Variants in TRDN observed in about 807,000 individuals in gnomAD.
TRDN encodes triadin in skeletal muscle.
TRDN carries 161 observed loss-of-function variants against 149.7 expected under a neutral mutation model. That is an observed-to-expected ratio of 1.08 (90% CI 0.95 to 1.23). The LOEUF is 1.23. TRDN is among the 50% of genes most tolerant of loss of function. The pLI is 0.00. For missense variants in TRDN, 896 were observed against 823.5 expected, an observed-to-expected ratio of 1.09 and a Z score of -1.08; for synonymous variants, 294 against 250.5, an observed-to-expected ratio of 1.17 and a Z score of -1.64.
intron 1 of TRDN, among the ~76,000 whole-genome samples, chr6:123,605,292 AAC>A (rs1354995280): frequency 4.0e-5 from 6 of 148,492 alleles, no homozygotes; most frequent in East Asian, 3.9e-4. Flanking sequence ...AATACATATA[AAC>A]ACACACATAT....
chr6:123,542,906 G>A (rs1378665633), intron 4 of TRDN, among the ~76,000 whole-genome samples: 3 of 150,836 alleles, frequency 2.0e-5, no homozygotes, highest in East Asian at 1.9e-4. Context: ...CTGTCACTGC[G>A]TCTGGCCCTG....
chr6:123,523,532 C>T (rs554055949), intron 5 of TRDN, among the ~76,000 whole-genome samples: 2 of 152,004 alleles, frequency 1.3e-5, no homozygotes, highest in Non-Finnish European at 2.9e-5. Context: ...GATTTAAGCC[C>T]GTAAGTGACT....
chr6:123,539,776 A>G (rs1780734533), intron 4 of TRDN, among the ~76,000 whole-genome samples: 1 of 152,220 alleles, frequency 6.6e-6, no homozygotes, highest in Non-Finnish European at 1.5e-5. Flanking sequence ...CATTGTGTGT[A>G]AACAAATTAT....
chr6:123,286,578 A>G (rs1777812646), intron 24 of TRDN, among the ~76,000 whole-genome samples: 1 of 152,062 alleles, frequency 6.6e-6, no homozygotes, highest in African/African-American at 2.4e-5. Context: ...GGTTCAGTGT[A>G]TACTGCTCGG....
Position 123,252,492 on chromosome 6 carries a change from TA to T in TRDN, c.1952-58del, listed in dbSNP as rs201528433. The stretch of plus-strand genomic sequence containing the variant: ...ACTGAGATAAAATGCAAGGAAATTA[TA>T]AATCAGTGGACTTTATAAAAATATC... On this transcript the variant is annotated intron_variant, in intron 37 of 40. Transcript: ENST00000334268. The T allele has an allele frequency of 0.01, 9,442 of 931,882 alleles. 342 individuals carry two copies. The highest frequency in any genetic ancestry group is 0.069 in the South Asian group (3,828 of 55,382). 57.7% of individuals were successfully genotyped at this position (931,882 alleles called of 1,614,324 possible).
In TRDN at chr6:123,260,644, G is replaced by C. The variant is rs201544606; in HGVS notation, c.1805-6C>G. 1.3e-5 allele frequency: 14 copies of C among 1,062,492 alleles called. No individual in the cohort carries two copies. The highest frequency in any genetic ancestry group is 3.5e-5 in the East Asian group (1 of 28,516). 65.8% of individuals were successfully genotyped at this position (1,062,492 alleles called of 1,614,324 possible). A position where few individuals can be genotyped will look rare whatever the true frequency, so the allele number is the denominator to read the frequency against. On this transcript the variant is annotated splice_region_variant and splice_polypyrimidine_tract_variant and intron_variant, in intron 33 of 40. Coordinates refer to ENST00000334268, the MANE Select transcript of TRDN (RefSeq NM_006073.4). ...TGTGACTTCTGATGTTCCTTCTTTA[G>C]AAAAAAAAAAAAAAAGAATGTAGAA...
chr6:123,514,688 G>A (rs540936972), intron 6 of TRDN, among the ~76,000 whole-genome samples: 6 of 151,754 alleles, frequency 4.0e-5, no homozygotes, highest in Non-Finnish European at 7.4e-5. Context: ...AATGGGCAGT[G>A]AGTGTGAACA....
At chr6:123,305,612 C>T (rs62418736) in intron 24 of TRDN, among the ~76,000 whole-genome samples, 27,216 of 152,096 alleles carry the variant, frequency 0.18, 3,263 homozygotes, top group Non-Finnish European at 0.27. Flanking sequence ...AAACTACAAA[C>T]TAGGACAAAA....
chr6:123,518,320 A>G (rs568354769), intron 5 of TRDN, among the ~76,000 whole-genome samples: 3 of 152,182 alleles, frequency 2.0e-5, no homozygotes, highest in Admixed American at 6.5e-5. Context: ...CTGACCACAA[A>G]TGGTTTATTT....
chr6:123,223,409 A>G (rs578188987), intron 39 of TRDN, among the ~76,000 whole-genome samples: 5 of 151,872 alleles, frequency 3.3e-5, no homozygotes, highest in Admixed American at 6.6e-5. Flanking sequence ...CCTATATAAC[A>G]AACATACACA....
intron 24 of TRDN, among the ~76,000 whole-genome samples, chr6:123,311,600 C>G (rs1778823484): frequency 6.6e-6 from 1 of 151,940 alleles, no homozygotes. Context: ...CAAAATGTCT[C>G]TAATTCAGTC....
At chr6:123,592,303 G>T (rs193188723) in intron 1 of TRDN, among the ~76,000 whole-genome samples, 31 of 152,250 alleles carry the variant, frequency 2.0e-4, no homozygotes, top group African/African-American at 7.5e-4. Flanking sequence ...TACTAAGCAG[G>T]AGAGCAGTCA....
chr6:123,496,420 C>G (rs1457753019), intron 9 of TRDN, among the ~76,000 whole-genome samples: 1 of 151,918 alleles, frequency 6.6e-6, no homozygotes, highest in Non-Finnish European at 1.5e-5. Context: ...ATATAGCTGT[C>G]TTTAAGCAAT....
At chr6:123,334,107 G>A (rs906978860) in intron 22 of TRDN, among the ~76,000 whole-genome samples, 4 of 151,980 alleles carry the variant, frequency 2.6e-5, no homozygotes. Flanking sequence ...GAGGAGTTTC[G>A]AAGTCTTCAG....
chr6:123,630,149 AT>A (rs66627031), intron 1 of TRDN, among the ~76,000 whole-genome samples: 25,279 of 151,816 alleles, frequency 0.17, 4,381 homozygotes, highest in African/African-American at 0.45. Flanking sequence ...CCAGATGAAG[AT>A]TTTTCCCCTG....
intron 40 of TRDN, among the ~76,000 whole-genome samples, chr6:123,219,366 T>G (rs1775061029): frequency 6.6e-6 from 1 of 151,798 alleles, no homozygotes; most frequent in African/African-American, 2.4e-5. Context: ...TGCTCCCAGG[T>G]AGCAGCTTTG....
chr6:123,374,815 C>T (rs1781450020), intron 19 of TRDN, among the ~76,000 whole-genome samples: 1 of 151,734 alleles, frequency 6.6e-6, no homozygotes, highest in African/African-American at 2.4e-5. Flanking sequence ...AAAAAAAAAC[C>T]TCAGCACTAA....
chr6:123,507,974 G>C lies in TRDN; in HGVS notation c.611-4073C>G, dbSNP rs1779006121. On this transcript the variant is annotated intron_variant, in intron 7 of 40. Coordinates refer to ENST00000334268, the MANE Select transcript of TRDN (RefSeq NM_006073.4). ...TGCAAACTGCTTAACTTTTTTCTCTGCTTCAGTTTCTTTGCGTTAAAAAAA... is the reference window on the plus strand; with the variant it reads ...TGCAAACTGCTTAACTTTTTTCTCTCCTTCAGTTTCTTTGCGTTAAAAAAA... Among the ~76,000 whole-genome samples, 3 of 129,202 alleles carry C rather than the reference G, an allele frequency of 2.3e-5. No homozygotes were observed. The South Asian group carries it at 8.4e-4, about 36-fold the overall frequency. 84.8% of individuals were successfully genotyped at this position (129,202 alleles called of 152,430 possible). A position where few individuals can be genotyped will look rare whatever the true frequency, so the allele number is the denominator to read the frequency against.
intron 1 of TRDN, among the ~76,000 whole-genome samples, chr6:123,595,462 G>A (rs1027597784): frequency 6.6e-6 from 1 of 152,056 alleles, no homozygotes; most frequent in South Asian, 2.1e-4. Flanking sequence ...TTACCATAAA[G>A]AGATTTGGAA....
Sources: allele counts gnomAD v4.1 joint callset (sites outside exome capture counted in the v4.1 genomes callset), GRCh38; gene constraint gnomAD v4.1.1; transcripts MANE v1.5; gene names NCBI Gene and HGNC (gene_info 2026-07-23, HGNC 2026-07-21).